The following OSBP2 variants were observed in gnomAD, a reference collection of about 807,000 sequenced individuals.
OSBP2 encodes the protein oxysterol binding protein 2, also known as oxysterol-binding protein 2.
Under a neutral mutation model 96.0 loss-of-function variants are expected in OSBP2, and 66 were observed. That is an observed-to-expected ratio of 0.69 (90% CI 0.56 to 0.84). The LOEUF is 0.84. Among genes scored for constraint, OSBP2 ranks in the 40% least tolerant of loss-of-function variants. OSBP2 has a pLI of 0.00. For synonymous variants in OSBP2, 525 were observed against 520.9 expected (o/e 1.01, Z -0.11); for missense variants, 1,038 against 1,222.7 (o/e 0.85, Z 2.25).
At chr22:30,856,373 C>CTTTTTTTTTTTTTTTTTTTTTT (rs56875088) in intron 2 of OSBP2, among the ~76,000 whole-genome samples, 2 of 101,430 alleles carry the variant, frequency 2.0e-5, no homozygotes, top group African/African-American at 7.2e-5. Context: ...CAGAGCCCTT[C>CTTTTTTTTTTTTTTTTTTTTTT]TTTTTTTTTT....
chr22:30,747,069 A>T, intron 2 of OSBP2, among the ~76,000 whole-genome samples: 1 of 152,224 alleles, frequency 6.6e-6, no homozygotes, highest in East Asian at 1.9e-4. Flanking sequence ...GAAAAAAGCC[A>T]CATGTGGCCC....
At chr22:30,813,140 A>AAT (rs913410427) in intron 2 of OSBP2, among the ~76,000 whole-genome samples, 1 of 150,762 alleles carries the variant, frequency 6.6e-6, no homozygotes, top group Non-Finnish European at 1.5e-5. Context: ...GTAGGGGGAA[A>AAT]ATGGAGCCTG....
At chr22:30,802,859 A>ACGGCGGAG (rs978165119) in intron 2 of OSBP2, among the ~76,000 whole-genome samples, 2 of 152,146 alleles carry the variant, frequency 1.3e-5, no homozygotes, top group African/African-American at 4.8e-5. Context: ...GCTCAGGCTG[A>ACGGCGGAG]CGGGCGGGCG....
Position 30,802,209 on chromosome 22 carries a change from A to AC in OSBP2, c.853+60846dup, listed in dbSNP as rs554959310. On this transcript the variant is annotated intron_variant, in intron 2 of 13. Coordinates refer to ENST00000332585, the MANE Select transcript of OSBP2 (RefSeq NM_030758.4). Reference sequence around the variant, plus strand: ...GGCAGAAGCCAAGTCAGAATCAATGACCCCCCAGGGACTTTCCTGGCTGGG... The same window carrying AC: ...GGCAGAAGCCAAGTCAGAATCAATGACCCCCCCAGGGACTTTCCTGGCTGGG... 1.1e-4 allele frequency among the ~76,000 whole-genome samples: 16 copies of AC among 151,204 alleles called. No individual in the cohort carries two copies. In the South Asian group the frequency reaches 1.7e-3, roughly 16 times the overall value.
At chr22:30,831,544 T>C (rs2147004405) in intron 2 of OSBP2, among the ~76,000 whole-genome samples, 1 of 152,264 alleles carries the variant, frequency 6.6e-6, no homozygotes, top group African/African-American at 2.4e-5. Context: ...TGTCATCCCC[T>C]AGCAAAACCT....
At chr22:30,752,812 G>A (rs1374271913) in intron 2 of OSBP2, among the ~76,000 whole-genome samples, 1 of 152,126 alleles carries the variant, frequency 6.6e-6, no homozygotes, top group Admixed American at 6.6e-5. Flanking sequence ...GTATTTTCAG[G>A]TAAAATACTC....
At chr22:30,787,011 G>A (rs946626251) in intron 2 of OSBP2, among the ~76,000 whole-genome samples, 2 of 152,042 alleles carry the variant, frequency 1.3e-5, no homozygotes, top group African/African-American at 4.8e-5. Flanking sequence ...TGTTAGCCAG[G>A]ATGGTCTCGA....
At chr22:30,700,405 T>G (rs2089137504) in intron 1 of OSBP2, among the ~76,000 whole-genome samples, 1 of 152,166 alleles carries the variant, frequency 6.6e-6, no homozygotes, top group Non-Finnish European at 1.5e-5. Flanking sequence ...TTGAAAAAAT[T>G]TATCCCTAGT....
intron 1 of OSBP2, among the ~76,000 whole-genome samples, chr22:30,707,893 C>T (rs1256898364): frequency 1.4e-5 from 2 of 144,954 alleles, no homozygotes; most frequent in East Asian, 4.0e-4. Flanking sequence ...TTTCTTTTTT[C>T]TTTTTTTTTT....
In OSBP2 at chr22:30,871,954, C is replaced by A. The variant is rs2039467976; in HGVS notation, c.1107+1272C>A. ...CAAATGCAGCCTTGGGAATCCCACC[C>A]TGGGGCCTGAGGCTGGGCGAGGTGT... On this transcript the variant is annotated intron_variant, in intron 3 of 13. Coordinates refer to ENST00000332585, the MANE Select transcript of OSBP2 (RefSeq NM_030758.4). This position sits in a 1 kb window ranked among gnomAD's most constrained non-coding sequence, Gnocchi z 4.7. 6.6e-6 allele frequency among the ~76,000 whole-genome samples: 1 copy of A among 152,272 alleles called. No homozygotes were observed. Among genetic ancestry groups the A allele is most frequent in the African/African-American group, 2.4e-5 (1 of 41,480 alleles).
At chr22:30,874,681 G>A (rs529638701) in intron 3 of OSBP2, among the ~76,000 whole-genome samples, 3 of 152,344 alleles carry the variant, frequency 2.0e-5, no homozygotes, top group South Asian at 2.1e-4. Context: ...GAGGGAACAA[G>A]GTGCTCAGAG....
intron 2 of OSBP2, among the ~76,000 whole-genome samples, chr22:30,778,195 G>T (rs2090462350): frequency 1.5e-5 from 1 of 68,356 alleles, no homozygotes; most frequent in East Asian, 4.8e-4. Flanking sequence ...TTTTTTAGTA[G>T]AGATGGGGTT....
intron 2 of OSBP2, among the ~76,000 whole-genome samples, chr22:30,782,136 ACT>A (rs945771938): frequency 2.6e-5 from 4 of 152,192 alleles, no homozygotes; most frequent in Admixed American, 6.5e-5. Context: ...GCAGAGTGAG[ACT>A]CTGTCTCAAA....
In OSBP2 at chr22:30,890,734, T is replaced by G. The variant is rs2039929051; in HGVS notation, c.1630T>G (p.Phe544Val). Residue 544 changes from phenylalanine to valine, a missense_variant, in exon 8 of 14, where the codon TTC becomes GTC. Phe to Val is a conservative substitution (Grantham distance 50, BLOSUM62 -1). This residue lies in a region of OSBP2 where 737 missense variants were observed against 913.3 expected (regional missense o/e 0.81). Transcript: ENST00000332585. The surrounding 1 kb of genome is among the most constrained non-coding windows in gnomAD (Gnocchi z 4.4). The part of the protein sequence containing the change: ...ELSRIPMPVN[F>V]NEPLSMLQRL... The stretch of plus-strand genomic sequence containing the variant: ...CCCACCTGTCCACCCACAGGTGAAC[T>G]TCAATGAGCCCCTGTCCATGCTCCA... The G allele has an allele frequency of 6.2e-7, 1 of 1,612,198 alleles. No individual in the cohort carries two copies. Among genetic ancestry groups the G allele is most frequent in the Admixed American group, 1.7e-5 (1 of 59,990 alleles).
chr22:30,806,752 T>C (rs1364004169), intron 2 of OSBP2, among the ~76,000 whole-genome samples: 1 of 152,122 alleles, frequency 6.6e-6, no homozygotes, highest in Non-Finnish European at 1.5e-5. Context: ...GGGACCTCCA[T>C]GGACCCTAGA....
chr22:30,861,123 G>A (rs957670162), intron 2 of OSBP2, among the ~76,000 whole-genome samples: 5 of 152,146 alleles, frequency 3.3e-5, no homozygotes, highest in Admixed American at 2.0e-4. Flanking sequence ...TGTGCTTGTC[G>A]ATCTCTCTAG....
rs185230747 is a variant in OSBP2 at position 30,780,646 on chromosome 22, C to T, written c.853+39277C>T. 4.9e-3 allele frequency among the ~76,000 whole-genome samples: 746 copies of T among 152,144 alleles called. 8 individuals are homozygous for T. Among genetic ancestry groups the T allele is most frequent in the African/African-American group, 0.017 (721 of 41,506 alleles). ...CCGAGTAGCTGGGATTACAGGCGCC[C>T]GCCACCACACCTGGCTAATTTTTAT... On this transcript the variant is annotated intron_variant, in intron 2 of 13. Coordinates refer to ENST00000332585, the MANE Select transcript of OSBP2 (RefSeq NM_030758.4).
intron 1 of OSBP2, among the ~76,000 whole-genome samples, chr22:30,706,764 T>C (rs1318388231): frequency 6.6e-6 from 1 of 152,112 alleles, no homozygotes; most frequent in Non-Finnish European, 1.5e-5. Flanking sequence ...ATGTGTTTCA[T>C]TCCTCACTCC....
chr22:30,887,462 A>C lies in OSBP2; in HGVS notation c.1144A>C (p.Ser382Arg). The change falls in exon 4 of 14, where the codon AGT becomes CGT. Residue 382 changes from serine (S) to arginine (R), a missense_variant. Around this residue, in one of 3 missense-constraint regions of OSBP2, gnomAD observed 737 missense variants for 913.3 expected, o/e 0.81. Transcript: ENST00000332585. ...CTTCTTGGAACTAGCAGAGATACAC[A>C]GTCGGAAATGGCAGCGGGCACTGCA... ...RDFLELAEIHSRKWQRALQYE... is the reference protein window; with the variant it reads ...RDFLELAEIHRRKWQRALQYE... The C allele has an allele frequency of 1.9e-6, 3 of 1,613,878 alleles. No homozygotes were observed. Among genetic ancestry groups the C allele is most frequent in the Non-Finnish European group, 1.7e-6 (2 of 1,180,010 alleles).
Sources: allele counts gnomAD v4.1 joint callset (sites outside exome capture counted in the v4.1 genomes callset), GRCh38; gene constraint gnomAD v4.1.1; regional missense constraint gnomAD v4.1.1; non-coding constraint Gnocchi (gnomAD v3.1); transcripts MANE v1.5; gene names NCBI Gene and HGNC (gene_info 2026-07-23, HGNC 2026-07-21).